Variants in KAZN observed in about 807,000 individuals in gnomAD.
The protein encoded by KAZN is kazrin, periplakin interacting protein.
A neutral mutation model predicts 87.4 loss-of-function variants in KAZN; 40 were observed. The ratio of observed to expected loss-of-function variants is 0.46; its 90% CI spans 0.36 to 0.60. The LOEUF (loss-of-function observed/expected upper bound fraction) is 0.60, where lower values mean the gene tolerates loss of function less well. Ranked by LOEUF, KAZN falls within the 20% of genes least tolerant of loss-of-function variation. KAZN has a pLI of 0.00. For synonymous variants in KAZN, 466 were observed against 458.3 expected, an observed-to-expected ratio of 1.02 and a Z score of -0.22; for missense variants, 898 against 1,073.9, an observed-to-expected ratio of 0.84 and a Z score of 2.29.
At chr1:14,794,959 G>C (rs1202199249) in intron 1 of KAZN, among the ~76,000 whole-genome samples, 1 of 152,180 alleles carries the variant, frequency 6.6e-6, no homozygotes, top group Non-Finnish European at 1.5e-5. Context: ...TCCCGTGCTG[G>C]ATGCTTCCTG....
At chr1:14,578,780 A>AT (rs1675349729) in intron 2 of KAZN, among the ~76,000 whole-genome samples, 1 of 152,126 alleles carries the variant, frequency 6.6e-6, no homozygotes, top group Admixed American at 6.6e-5. Flanking sequence ...ATGCCTTATA[A>AT]TTTTTTTAAA....
rs1640954437 is a variant in KAZN, at chr1:15,099,534, C to T, written c.1548-2009C>T. 6.6e-6 allele frequency among the ~76,000 whole-genome samples: 1 copy of T among 151,950 alleles called. No individual in the cohort carries two copies. The highest frequency in any genetic ancestry group is 6.6e-5 in the Admixed American group (1 of 15,264). On this transcript the variant is annotated intron_variant, in intron 10 of 14. Transcript: ENST00000376030. This position sits in a 1 kb window ranked among gnomAD's most constrained non-coding sequence, Gnocchi z 5.4. ...CCTGGGCAGGGTTGCAAGGGGCTGGCCGGGGAGGGGAATGGGGGGTGAAGA... is the reference window on the plus strand; with the variant it reads ...CCTGGGCAGGGTTGCAAGGGGCTGGTCGGGGAGGGGAATGGGGGGTGAAGA...
intron 1 of KAZN, among the ~76,000 whole-genome samples, chr1:13,932,537 G>A (rs1640565948): frequency 1.3e-5 from 2 of 152,308 alleles, no homozygotes; most frequent in South Asian, 4.1e-4. Flanking sequence ...TGGGATTACA[G>A]GCGTGAGCCA....
chr1:14,392,950 C>T (rs1474716236), intron 2 of KAZN, among the ~76,000 whole-genome samples: 1 of 152,086 alleles, frequency 6.6e-6, no homozygotes, highest in East Asian at 1.9e-4. Flanking sequence ...TTGCCTTTGG[C>T]TTTCTTTCTG....
At chr1:14,751,554 A>G (rs1378429067) in intron 1 of KAZN, among the ~76,000 whole-genome samples, 1 of 152,200 alleles carries the variant, frequency 6.6e-6, no homozygotes, top group Non-Finnish European at 1.5e-5. Flanking sequence ...AAGACACAGT[A>G]AGACCTTGGG....
At chr1:14,738,575 A>G (rs1291185604) in intron 1 of KAZN, among the ~76,000 whole-genome samples, 1 of 152,094 alleles carries the variant, frequency 6.6e-6, no homozygotes, top group East Asian at 1.9e-4. Context: ...CTTTCTGACC[A>G]CCGGAGTTGA....
At chr1:14,888,137 A>G (rs1654295301) in intron 1 of KAZN, among the ~76,000 whole-genome samples, 1 of 152,218 alleles carries the variant, frequency 6.6e-6, no homozygotes, top group African/African-American at 2.4e-5. Context: ...GTCATCCTCC[A>G]GCCCGGGCAG....
intron 2 of KAZN, among the ~76,000 whole-genome samples, chr1:14,192,161 G>A (rs1359666763): frequency 6.6e-6 from 1 of 152,150 alleles, no homozygotes; most frequent in Non-Finnish European, 1.5e-5. Context: ...TTAAGACAGT[G>A]AGGAACAAAG....
intron 4 of KAZN, among the ~76,000 whole-genome samples, chr1:15,044,580 A>G (rs1673279557): frequency 6.6e-6 from 1 of 151,872 alleles, no homozygotes; most frequent in African/African-American, 2.4e-5. Flanking sequence ...GCAAAACCCT[A>G]TCTCTACCAA....
intron 1 of KAZN, among the ~76,000 whole-genome samples, chr1:14,609,548 G>A (rs1051834174): frequency 3.3e-5 from 5 of 152,148 alleles, no homozygotes; most frequent in Non-Finnish European, 5.9e-5. Flanking sequence ...CAGTGTTATC[G>A]CATTTATTCT....
At chr1:14,920,276 G>GGTT (rs748284882) in intron 1 of KAZN, among the ~76,000 whole-genome samples, 91 of 94,152 alleles carry the variant, frequency 9.7e-4, no homozygotes, top group Non-Finnish European at 1.6e-3. Flanking sequence ...CCTCTTTTCT[G>GGTT]TTTTTTTTTT....
At chr1:14,638,491 C>G (rs185579581) in intron 1 of KAZN, among the ~76,000 whole-genome samples, 6 of 151,390 alleles carry the variant, frequency 4.0e-5, no homozygotes, top group Admixed American at 3.9e-4. Context: ...ACGGCTTGAA[C>G]CTGGGAGGCG....
At chr1:14,668,571 T>C (rs1291546609) in intron 1 of KAZN, among the ~76,000 whole-genome samples, 2 of 152,072 alleles carry the variant, frequency 1.3e-5, no homozygotes, top group African/African-American at 4.8e-5. Context: ...TTCTTCCTGT[T>C]TCCCCTCCTC....
chr1:14,308,130 T>C (rs1490999136), intron 2 of KAZN, among the ~76,000 whole-genome samples: 1 of 152,148 alleles, frequency 6.6e-6, no homozygotes, highest in Non-Finnish European at 1.5e-5. Context: ...TAAAAGAGAC[T>C]AAAGGCTCTG....
At chr1:14,606,203 G>A (rs1191089312) in intron 1 of KAZN, among the ~76,000 whole-genome samples, 1 of 152,194 alleles carries the variant, frequency 6.6e-6, no homozygotes, top group African/African-American at 2.4e-5. Context: ...TCTCTCTGCT[G>A]TTTAAACCTG....
At chr1:14,357,038 T>C (rs1344532911) in intron 2 of KAZN, among the ~76,000 whole-genome samples, 1 of 152,180 alleles carries the variant, frequency 6.6e-6, no homozygotes, top group Non-Finnish European at 1.5e-5. Flanking sequence ...TTTCACGATA[T>C]TGATTCTTCC....
At chr1:14,815,400 G>T (rs1313304294) in intron 1 of KAZN, among the ~76,000 whole-genome samples, 1 of 152,130 alleles carries the variant, frequency 6.6e-6, no homozygotes, top group Non-Finnish European at 1.5e-5. Flanking sequence ...ACTTGGCCCA[G>T]CTTCCAGTGC....
rs117828012 is a variant in KAZN, at chr1:14,568,851, C to T, written c.250-30132C>T. The stretch of plus-strand genomic sequence containing the variant: ...CTGGCAGTAGAAACTACGACGGATC[C>T]GATGTGTCTCCCCCACCAGATTCCG... On this transcript the variant is annotated intron_variant, in intron 2 of 16. Transcript: ENST00000636203. Among the ~76,000 whole-genome samples the T allele has an allele frequency of 7.0e-4, 106 of 152,330 alleles. 1 individual carries two copies. The East Asian group carries it at 0.012, about 18-fold the overall frequency.
chr1:14,283,167 T>C (rs989495518), intron 2 of KAZN, among the ~76,000 whole-genome samples: 14 of 152,214 alleles, frequency 9.2e-5, no homozygotes, highest in Non-Finnish European at 4.4e-5. Flanking sequence ...TTAATTGGGC[T>C]GCAGCTTTTT....
Sources: gnomAD v4.1 joint callset for allele counts (sites outside exome capture counted in the v4.1 genomes callset) on GRCh38, gnomAD v4.1.1 for gene constraint, Gnocchi (gnomAD v3.1) non-coding constraint, MANE v1.5 for transcripts, NCBI Gene and HGNC (gene_info 2026-07-23, HGNC 2026-07-21) for gene names.